Variants in CSNK1G1 observed in about 807,000 individuals in gnomAD.
CSNK1G1 encodes casein kinase 1 gamma 1.
A neutral mutation model predicts 59.6 loss-of-function variants in CSNK1G1; 22 were observed. That is an observed-to-expected ratio of 0.37 (90% CI 0.26 to 0.53). The LOEUF (loss-of-function observed/expected upper bound fraction) is 0.53, where lower values mean the gene tolerates loss of function less well. CSNK1G1 is among the 20% of genes least tolerant of loss of function. The pLI is 0.89. For synonymous variants in CSNK1G1, 179 were observed against 177.1 expected, an observed-to-expected ratio of 1.01 and a Z score of -0.08; for missense variants, 384 against 519.5, an observed-to-expected ratio of 0.74 and a Z score of 2.54.
At chr15:64,219,175 G>A (rs1036676969) in intron 4 of CSNK1G1, among the ~76,000 whole-genome samples, 6 of 151,820 alleles carry the variant, frequency 4.0e-5, no homozygotes, top group African/African-American at 7.3e-5. Flanking sequence ...TTTTTTTCCC[G>A]GTTGTTTTGA....
chr15:64,343,690 C>T (rs1454144212), intron 1 of CSNK1G1, among the ~76,000 whole-genome samples: 1 of 151,720 alleles, frequency 6.6e-6, no homozygotes, highest in Non-Finnish European at 1.5e-5. Flanking sequence ...CTCTACCTTT[C>T]ATTTTAAGTC....
intron 9 of CSNK1G1, 28 bp downstream of exon 9, chr15:64,204,413 A>C: frequency 9.5e-6 from 1 of 104,894 alleles, no homozygotes; most frequent in Non-Finnish European, 1.9e-5. Flanking sequence ...TAATGAGGTT[A>C]AAAAAAAAAA....
intron 4 of CSNK1G1, among the ~76,000 whole-genome samples, chr15:64,247,443 T>A (rs1891818739): frequency 6.6e-6 from 1 of 152,182 alleles, no homozygotes; most frequent in African/African-American, 2.4e-5. Flanking sequence ...TTTACTTTCT[T>A]CCCTGATTAT....
At chr15:64,312,075 G>C (rs548027583) in intron 1 of CSNK1G1, among the ~76,000 whole-genome samples, 1 of 152,212 alleles carries the variant, frequency 6.6e-6, no homozygotes, top group South Asian at 2.1e-4. Flanking sequence ...TCTTCAAGGA[G>C]AACTACAAAC....
intron 3 of CSNK1G1, among the ~76,000 whole-genome samples, chr15:64,253,709 T>C (rs534192869): frequency 3.9e-5 from 6 of 152,272 alleles, no homozygotes; most frequent in African/African-American, 1.4e-4. Context: ...ATTGGGTATA[T>C]ACATAGGGTG....
intron 4 of CSNK1G1, among the ~76,000 whole-genome samples, chr15:64,229,066 A>AT (rs1032925634): frequency 2.6e-5 from 4 of 151,620 alleles, no homozygotes; most frequent in African/African-American, 4.9e-5. Flanking sequence ...CAGAGTGGAT[A>AT]TTTTTTCTTA....
At chr15:64,342,624 G>A (rs1897735873) in intron 1 of CSNK1G1, 3 of 152,302 alleles carry the variant, frequency 2.0e-5, no homozygotes, top group African/African-American at 4.8e-5. Flanking sequence ...GTCATCCAGG[G>A]ATAAAGCAAC....
At chr15:64,181,393 A>G in intron 10 of CSNK1G1, 1 of 1,535,440 alleles carries the variant, frequency 6.5e-7, no homozygotes, top group Non-Finnish European at 8.7e-7. Context: ...AAGGGGCCTC[A>G]CTGCTGGACA....
intron 2 of CSNK1G1, among the ~76,000 whole-genome samples, chr15:64,299,524 A>G (rs1895209751): frequency 6.6e-6 from 1 of 151,204 alleles, no homozygotes; most frequent in Non-Finnish European, 1.5e-5. Flanking sequence ...CCCGGGAGGC[A>G]GAGCTTGCAG....
chr15:64,310,255 G>T (rs1895919554), intron 1 of CSNK1G1, among the ~76,000 whole-genome samples: 1 of 152,042 alleles, frequency 6.6e-6, no homozygotes, highest in Non-Finnish European at 1.5e-5. Flanking sequence ...CACAAAGTAG[G>T]TGAGAGGTAG....
chr15:64,325,937 A>AT (rs1896813460), intron 1 of CSNK1G1, among the ~76,000 whole-genome samples: 1 of 152,200 alleles, frequency 6.6e-6, no homozygotes, highest in African/African-American at 2.4e-5. Context: ...GTCATATCTT[A>AT]TATTACATCA....
rs560260428 is a variant in CSNK1G1, at chr15:64,244,028, G to T, written c.292+7484C>A. Reference sequence around the variant, plus strand: ...TACTAAAAATACAAAAACTAGCTGGGTGTGGTGGTGGGCACCTGTAATCCC... The same window carrying T: ...TACTAAAAATACAAAAACTAGCTGGTTGTGGTGGTGGGCACCTGTAATCCC... On this transcript the variant is annotated intron_variant, in intron 4 of 11. Coordinates refer to ENST00000303052, the MANE Select transcript of CSNK1G1 (RefSeq NM_022048.5). 1.9e-3 allele frequency among the ~76,000 whole-genome samples: 281 copies of T among 151,476 alleles called. 1 individual carries two copies. Among genetic ancestry groups the T allele is most frequent in the Middle Eastern group, 6.8e-3 (2 of 292 alleles).
At chr15:64,309,215 A>G (rs1895854520) in intron 1 of CSNK1G1, among the ~76,000 whole-genome samples, 1 of 151,824 alleles carries the variant, frequency 6.6e-6, no homozygotes, top group Admixed American at 6.6e-5. Context: ...TTGTCTACTC[A>G]CGTATTAGCT....
At chr15:64,172,566 C>T (rs2081687202) in intron 11 of CSNK1G1, among the ~76,000 whole-genome samples, 1 of 152,256 alleles carries the variant, frequency 6.6e-6, no homozygotes, top group East Asian at 1.9e-4. Context: ...GAGGCCCTGA[C>T]TCTAATAATG....
At chr15:64,351,282 T>C (rs1898269498) in intron 1 of CSNK1G1, among the ~76,000 whole-genome samples, 1 of 152,226 alleles carries the variant, frequency 6.6e-6, no homozygotes, top group South Asian at 2.1e-4. Context: ...ATAGCGCCAA[T>C]AAATTCAGCT....
At chr15:64,222,396 T>C (rs1026102203) in intron 4 of CSNK1G1, among the ~76,000 whole-genome samples, 4 of 145,226 alleles carry the variant, frequency 2.8e-5, no homozygotes, top group African/African-American at 5.1e-5. Flanking sequence ...CCGTTTTTTT[T>C]CTCCTTAGAA....
rs1451776972 is a variant in CSNK1G1 at position 64,166,905 on chromosome 15, GA to G, written c.*5025del. Reference sequence around the variant, plus strand: ...AAAGTGATTGTGAGGAGTAAAAGAAGAAAAATAAAAGAAATTCTGTCTACAG... The same window carrying G: ...AAAGTGATTGTGAGGAGTAAAAGAAGAAAATAAAAGAAATTCTGTCTACAG... On this transcript the variant is annotated 3_prime_UTR_variant, in exon 12 of 12. Transcript: ENST00000303052. This position sits in a 1 kb window ranked among gnomAD's most constrained non-coding sequence, Gnocchi z 4.5. The G allele has an allele frequency of 6.6e-6, 1 of 152,500 alleles. No homozygotes were observed. Among genetic ancestry groups the G allele is most frequent in the Non-Finnish European group, 1.5e-5 (1 of 68,004 alleles). The allele number at this position is 152,500 out of a possible 1,614,324, so 9.4% of individuals were successfully genotyped here.
intron 1 of CSNK1G1, among the ~76,000 whole-genome samples, chr15:64,307,328 C>T (rs941449435): frequency 2.0e-5 from 3 of 152,066 alleles, no homozygotes; most frequent in African/African-American, 7.2e-5. Flanking sequence ...AAAATAAAGC[C>T]TGTTAATTAA....
chr15:64,228,714 T>A (rs1476654152), intron 4 of CSNK1G1, among the ~76,000 whole-genome samples: 2 of 152,132 alleles, frequency 1.3e-5, no homozygotes, highest in East Asian at 1.9e-4. Context: ...ACTTCATTTT[T>A]AATTTAATAC....
Sources: allele counts gnomAD v4.1 joint callset (sites outside exome capture counted in the v4.1 genomes callset), GRCh38; gene constraint gnomAD v4.1.1; non-coding constraint Gnocchi (gnomAD v3.1); transcripts MANE v1.5; gene names NCBI Gene and HGNC (gene_info 2026-07-23, HGNC 2026-07-21).